Variants in EPB41 observed in about 807,000 individuals in gnomAD.
EPB41 encodes erythrocyte membrane protein band 4.1, also known as protein 4.1.
EPB41 carries 65 observed loss-of-function variants against 108.0 expected under a neutral mutation model. That is an observed-to-expected ratio of 0.60 (90% CI 0.49 to 0.74). The LOEUF (loss-of-function observed/expected upper bound fraction) is 0.74, where lower values mean the gene tolerates loss of function less well. Ranked by LOEUF, EPB41 falls within the 30% of genes least tolerant of loss-of-function variation. The pLI, the probability that EPB41 is intolerant of heterozygous loss-of-function variation, is 0.00. For missense variants in EPB41, 875 were observed against 1,037.0 expected (o/e 0.84, Z 2.15); for synonymous variants, 336 against 358.9 (o/e 0.94, Z 0.72).
At chr1:29,028,222 T>C (rs1373163811) in intron 7 of EPB41, among the ~76,000 whole-genome samples, 1 of 152,232 alleles carries the variant, frequency 6.6e-6, no homozygotes, top group Non-Finnish European at 1.5e-5. Flanking sequence ...ACCCTATTAA[T>C]GTCCCTTAGG....
intron 1 of EPB41, among the ~76,000 whole-genome samples, chr1:28,937,349 C>T (rs1329564403): frequency 2.0e-5 from 3 of 152,116 alleles, no homozygotes; most frequent in South Asian, 4.1e-4. Flanking sequence ...GTTGTTTAGG[C>T]TGTATTTCCA....
chr1:29,037,511 A>G (rs1392588831), intron 10 of EPB41, among the ~76,000 whole-genome samples: 1 of 152,176 alleles, frequency 6.6e-6, no homozygotes, highest in East Asian at 1.9e-4. Context: ...TGGAACACCC[A>G]GTCTAGTAGA....
chr1:29,050,498 G>A (rs1644305873), intron 11 of EPB41, among the ~76,000 whole-genome samples: 1 of 152,216 alleles, frequency 6.6e-6, no homozygotes, highest in Non-Finnish European at 1.5e-5. Context: ...ACAACTGTGA[G>A]CAAAATATTT....
chr1:28,891,014 C>T lies in EPB41; in HGVS notation c.-8+3804C>T, dbSNP rs147661940. 953 of 984,988 alleles carry T rather than the reference C, an allele frequency of 9.7e-4. 5 individuals carry two copies. The Middle Eastern group carries it at 0.026, about 26-fold the overall frequency. 61.0% of individuals were successfully genotyped at this position (984,988 alleles called of 1,614,324 possible). A position where few individuals can be genotyped will look rare whatever the true frequency, so the allele number is the denominator to read the frequency against. On this transcript the variant is annotated intron_variant, in intron 1 of 16. Coordinates refer to the EPB41 transcript ENST00000347529. ...TCTGTTGGGTGGCCCCTGGGGCCAG[C>T]ATAGAGAGAAAGGGGCAGAGGGAGC...
At chr1:28,969,735 TA>T (rs1293204888) in intron 1 of EPB41, among the ~76,000 whole-genome samples, 1 of 151,574 alleles carries the variant, frequency 6.6e-6, no homozygotes, top group South Asian at 2.1e-4. Flanking sequence ...CCGTCTCTAC[TA>T]AAAAAATACA....
At chr1:29,047,041 G>A (rs191195048) in intron 11 of EPB41, among the ~76,000 whole-genome samples, 1 of 152,032 alleles carries the variant, frequency 6.6e-6, no homozygotes, top group Admixed American at 6.6e-5. Context: ...TTCTTTTTCT[G>A]TTCTCTGGAA....
intron 16 of EPB41, chr1:29,070,372 A>G (rs773497679): frequency 1.4e-5 from 17 of 1,231,998 alleles, no homozygotes; most frequent in Non-Finnish European, 1.7e-5. Context: ...AGACACAGGA[A>G]CGTGCTCTGT....
In EPB41 at chr1:28,991,586, C is replaced by T. The variant is rs576708609; in HGVS notation, c.469-1744C>T. Among the ~76,000 whole-genome samples, 26 of 151,536 alleles carry T rather than the reference C, an allele frequency of 1.7e-4. 2 individuals are homozygous for T. In the South Asian group the frequency reaches 5.2e-3, roughly 30 times the overall value. On this transcript the variant is annotated intron_variant, in intron 2 of 20. Transcript: ENST00000343067. ...AGGCATGGTGGCTCTCCTGTAGTCC[C>T]AGCTACTTGGGATGTTGAGGTGGGA...
intron 7 of EPB41, among the ~76,000 whole-genome samples, chr1:29,019,369 G>C (rs1412314786): frequency 1.3e-5 from 2 of 152,196 alleles, no homozygotes; most frequent in Admixed American, 1.3e-4. Flanking sequence ...ATTGAAAGGT[G>C]ATGTGTGTAA....
intron 7 of EPB41, among the ~76,000 whole-genome samples, chr1:29,024,653 T>C: frequency 6.6e-6 from 1 of 151,336 alleles, no homozygotes; most frequent in East Asian, 1.9e-4. Context: ...AAATAAAAAA[T>C]ATAAATAAAT....
chr1:29,007,044 T>C (rs534206091), intron 4 of EPB41, among the ~76,000 whole-genome samples: 1 of 152,344 alleles, frequency 6.6e-6, no homozygotes, highest in South Asian at 2.1e-4. Flanking sequence ...TATGATGTTT[T>C]TGAGATTCAT....
chr1:29,003,356 C>T (rs2096339117), intron 4 of EPB41, among the ~76,000 whole-genome samples: 1 of 152,214 alleles, frequency 6.6e-6, no homozygotes, highest in Non-Finnish European at 1.5e-5. Context: ...GGCAGAGTGA[C>T]ATCCTCTAGT....
At chr1:29,116,373 TC>T (rs1363913897) in intron 20 of EPB41, among the ~76,000 whole-genome samples, 3 of 152,106 alleles carry the variant, frequency 2.0e-5, no homozygotes. Flanking sequence ...AGTCTCGAAC[TC>T]CTGACCTCAA....
rs2095895946 is a variant in EPB41, at chr1:28,987,494, G to A, written c.57G>A (p.Lys19=). ...TEAENSQHQQ[K]EEGEEAINSG... is the part of the protein sequence containing the mutation. ...CCGAAAATTCACAGCACCAACAGAA[G>A]GAAGAGGGTGAGGAAGCCATAAACT... The change falls in exon 2 of 21, where the codon AAG becomes AAA. Residue 19 remains lysine, a synonymous_variant. Transcript: ENST00000343067. 2 of 1,614,098 alleles carry A rather than the reference G, an allele frequency of 1.2e-6. No homozygotes were observed. The highest frequency in any genetic ancestry group is 1.7e-6 in the Non-Finnish European group (2 of 1,180,028).
chr1:29,044,478 A>AT (rs963514323), intron 11 of EPB41, among the ~76,000 whole-genome samples: 2 of 151,852 alleles, frequency 1.3e-5, no homozygotes, highest in African/African-American at 2.4e-5. Context: ...TATATTCTGA[A>AT]TTTTTTTTTA....
intron 18 of EPB41, among the ~76,000 whole-genome samples, chr1:29,110,643 G>A (rs942007481): frequency 6.6e-6 from 1 of 152,104 alleles, no homozygotes; most frequent in Non-Finnish European, 1.5e-5. Flanking sequence ...TTTTTAATAG[G>A]TAAGAAATAT....
chr1:29,019,135 G>A (rs2985335), intron 7 of EPB41, among the ~76,000 whole-genome samples: 28,516 of 152,038 alleles, frequency 0.19, 3,301 homozygotes, highest in East Asian at 0.47. Context: ...GGTATTGTGG[G>A]CTGACCACAA....
intron 17 of EPB41, among the ~76,000 whole-genome samples, chr1:29,099,770 A>G (rs1240456138): frequency 6.6e-6 from 1 of 152,204 alleles, no homozygotes; most frequent in Admixed American, 6.5e-5. Flanking sequence ...CCTGCAACAA[A>G]TATTTATTGA....
intron 11 of EPB41, among the ~76,000 whole-genome samples, chr1:29,052,792 G>A (rs1251258494): frequency 1.3e-5 from 2 of 151,746 alleles, no homozygotes; most frequent in Non-Finnish European, 2.9e-5. Flanking sequence ...GCAGGTTTTT[G>A]AAACTAAAAT....
Sources: gnomAD v4.1 joint callset for allele counts (sites outside exome capture counted in the v4.1 genomes callset) on GRCh38, gnomAD v4.1.1 for gene constraint, MANE v1.5 for transcripts, NCBI Gene and HGNC (gene_info 2026-07-23, HGNC 2026-07-21) for gene names.